TAF3: variants seen among roughly 807,000 people sequenced by gnomAD.
TAF3 encodes the protein transcription initiation factor TFIID subunit 3.
Under a neutral mutation model 80.6 loss-of-function variants are expected in TAF3, and 7 were observed. The ratio of observed to expected loss-of-function variants is 0.09; its 90% CI spans 0.05 to 0.16. The LOEUF (loss-of-function observed/expected upper bound fraction) is 0.16, where lower values mean the gene tolerates loss of function less well. TAF3 is among the 10% of genes least tolerant of loss of function. TAF3 has a pLI of 1.00. For missense variants in TAF3, 921 were observed against 1,140.2 expected, an observed-to-expected ratio of 0.81 and a Z score of 2.77; for synonymous variants, 444 against 446.1, an observed-to-expected ratio of 1.00 and a Z score of 0.06.
At chr10:7,910,485 A>G (rs1204091031) in intron 2 of TAF3, among the ~76,000 whole-genome samples, 1 of 152,060 alleles carries the variant, frequency 6.6e-6, no homozygotes, top group African/African-American at 2.4e-5. Context: ...GATTCAAGTG[A>G]TTCTCCTGCT....
intron 2 of TAF3, among the ~76,000 whole-genome samples, chr10:7,862,697 TCC>T (rs905340689): frequency 6.6e-6 from 1 of 152,200 alleles, no homozygotes; most frequent in African/African-American, 2.4e-5. Context: ...CCCAGGGGGA[TCC>T]CCAGGCAACC....
intron 2 of TAF3, among the ~76,000 whole-genome samples, chr10:7,917,659 C>A (rs1489846367): frequency 6.6e-6 from 1 of 152,130 alleles, no homozygotes; most frequent in Admixed American, 6.5e-5. Context: ...GAGGCCGTCA[C>A]CGGTTGGGGG....
At chr10:8,007,874 C>T (rs12245532) in intron 4 of TAF3, among the ~76,000 whole-genome samples, 17,137 of 151,572 alleles carry the variant, frequency 0.11, 1,902 homozygotes, top group African/African-American at 0.28. Context: ...AATCCAAGGC[C>T]ACAGGTCTAG....
intron 2 of TAF3, among the ~76,000 whole-genome samples, chr10:7,827,767 G>A (rs1473175720): frequency 1.3e-5 from 2 of 148,826 alleles, no homozygotes; most frequent in African/African-American, 5.0e-5. Flanking sequence ...GTGACGGAGC[G>A]AGACTCTGTC....
At chr10:7,958,952 G>A (rs941908112) in intron 2 of TAF3, among the ~76,000 whole-genome samples, 1 of 152,104 alleles carries the variant, frequency 6.6e-6, no homozygotes, top group Non-Finnish European at 1.5e-5. Context: ...GGCTAACATG[G>A]TAAAACCCCG....
chr10:7,962,756 TTATC>T (rs1317527385), intron 2 of TAF3, among the ~76,000 whole-genome samples: 4 of 152,228 alleles, frequency 2.6e-5, no homozygotes, highest in Non-Finnish European at 4.4e-5. Flanking sequence ...CTGTAGCACT[TTATC>T]TGTCTGTGGC....
chr10:7,949,466 T>G (rs1222433503), intron 2 of TAF3, among the ~76,000 whole-genome samples: 1 of 152,262 alleles, frequency 6.6e-6, no homozygotes, highest in Non-Finnish European at 1.5e-5. Flanking sequence ...GGCCCCCACC[T>G]GTCCTAGCCT....
chr10:7,868,316 C>G (rs1292523314), intron 2 of TAF3, among the ~76,000 whole-genome samples: 8 of 151,674 alleles, frequency 5.3e-5, no homozygotes, highest in African/African-American at 1.7e-4. Flanking sequence ...TGGTCCAGCT[C>G]TGGTGATTCA....
intron 4 of TAF3, among the ~76,000 whole-genome samples, chr10:8,000,070 C>T (rs983778779): frequency 2.0e-5 from 3 of 152,160 alleles, no homozygotes; most frequent in Non-Finnish European, 4.4e-5. Context: ...CTTAAAAATT[C>T]CTAGCAACAG....
chr10:7,945,430 T>C (rs1299955896), intron 2 of TAF3, among the ~76,000 whole-genome samples: 6 of 152,212 alleles, frequency 3.9e-5, no homozygotes. Context: ...ACCTAATTTA[T>C]CTTGTTTACC....
chr10:7,835,704 C>T (rs1251421786), intron 2 of TAF3, among the ~76,000 whole-genome samples: 3 of 152,240 alleles, frequency 2.0e-5, no homozygotes, highest in Non-Finnish European at 4.4e-5. Context: ...GGTTGGCCTG[C>T]CGGGCTTTCC....
intron 4 of TAF3, among the ~76,000 whole-genome samples, chr10:7,999,032 G>C (rs1831917768): frequency 6.6e-6 from 1 of 152,162 alleles, no homozygotes. Context: ...GGTGGCTGAG[G>C]AAGTGGAATC....
intron 2 of TAF3, among the ~76,000 whole-genome samples, chr10:7,825,295 A>G (rs2131099119): frequency 6.6e-6 from 1 of 152,340 alleles, no homozygotes; most frequent in East Asian, 1.9e-4. Context: ...CTTCAGGACA[A>G]TGCAAATGAT....
chr10:7,890,268 A>G (rs1837445919), intron 2 of TAF3, among the ~76,000 whole-genome samples: 1 of 152,108 alleles, frequency 6.6e-6, no homozygotes, highest in South Asian at 2.1e-4. Context: ...TATCCCTTTT[A>G]AGATTCAGTT....
At chr10:8,002,849 A>G (rs569646900) in intron 4 of TAF3, among the ~76,000 whole-genome samples, 13 of 152,116 alleles carry the variant, frequency 8.5e-5, no homozygotes, top group African/African-American at 2.2e-4. Flanking sequence ...TTTGCTTTAT[A>G]TGTTTTGCAG....
chr10:7,879,172 T>C (rs1292186037), intron 2 of TAF3, among the ~76,000 whole-genome samples: 1 of 152,232 alleles, frequency 6.6e-6, no homozygotes, highest in African/African-American at 2.4e-5. Context: ...TATTTTAAAA[T>C]AGTAGATTAA....
chr10:8,005,196 G>C (rs925952673), intron 4 of TAF3, among the ~76,000 whole-genome samples: 1 of 151,976 alleles, frequency 6.6e-6, no homozygotes, highest in Admixed American at 6.6e-5. Context: ...TTTTATAGTT[G>C]ATAATTCTTG....
chr10:7,976,070 T>G (rs1251376808), intron 3 of TAF3, among the ~76,000 whole-genome samples: 1 of 152,164 alleles, frequency 6.6e-6, no homozygotes, highest in African/African-American at 2.4e-5. Flanking sequence ...AAAATGTTGA[T>G]TATATGATCT....
chr10:7,991,659 T>C (rs1831835486), intron 4 of TAF3, among the ~76,000 whole-genome samples: 1 of 152,200 alleles, frequency 6.6e-6, no homozygotes, highest in African/African-American at 2.4e-5. Context: ...GATGAATATA[T>C]GTATATGTAT....
Sources: allele counts gnomAD v4.1 joint callset (sites outside exome capture counted in the v4.1 genomes callset), GRCh38; gene constraint gnomAD v4.1.1; transcripts MANE v1.5; gene names NCBI Gene and HGNC (gene_info 2026-07-23, HGNC 2026-07-21).